The following CHRM3 variants were observed in gnomAD, a reference collection of about 807,000 sequenced individuals.
CHRM3 encodes the protein muscarinic acetylcholine receptor M3.
In CHRM3, 11 loss-of-function variants were observed where a neutral mutation model predicts 41.8. The observed-to-expected ratio is 0.26, with a 90% confidence interval of 0.17 to 0.44. The LOEUF (loss-of-function observed/expected upper bound fraction) is 0.44, where lower values mean the gene tolerates loss of function less well. CHRM3 is among the 20% of genes least tolerant of loss of function. The probability of loss-of-function intolerance (pLI) is 1.00; values close to 1 mark genes in which losing one functional copy is unlikely to be tolerated. For synonymous variants in CHRM3, 297 were observed against 301.4 expected, an observed-to-expected ratio of 0.99 and a Z score of 0.15; for missense variants, 571 against 745.4, an observed-to-expected ratio of 0.77 and a Z score of 2.72.
At chr1:239,740,555 A>G (rs1332121874) in intron 5 of CHRM3, among the ~76,000 whole-genome samples, 5 of 151,956 alleles carry the variant, frequency 3.3e-5, no homozygotes, top group Non-Finnish European at 7.4e-5. Flanking sequence ...GCACCGATCA[A>G]CCCATCATCT....
At chr1:239,672,063 T>A (rs1674426356) in intron 4 of CHRM3, among the ~76,000 whole-genome samples, 1 of 152,134 alleles carries the variant, frequency 6.6e-6, no homozygotes. Flanking sequence ...AAAGATGAGT[T>A]ATGCACAAGA....
chr1:239,696,591 G>GATGAGC (rs1465945345), intron 5 of CHRM3, among the ~76,000 whole-genome samples: 2 of 152,156 alleles, frequency 1.3e-5, no homozygotes, highest in Non-Finnish European at 2.9e-5. Context: ...AGCACCTACA[G>GATGAGC]ATGAGCCTGA....
intron 1 of CHRM3, among the ~76,000 whole-genome samples, chr1:239,466,237 C>T (rs1435911019): frequency 6.6e-6 from 1 of 152,122 alleles, no homozygotes; most frequent in East Asian, 1.9e-4. Flanking sequence ...TCAGGTGATC[C>T]ACCTGCCTCG....
intron 5 of CHRM3, among the ~76,000 whole-genome samples, chr1:239,741,759 T>C (rs929600954): frequency 1.3e-5 from 2 of 152,180 alleles, no homozygotes; most frequent in African/African-American, 4.8e-5. Context: ...ACCCACGTCT[T>C]ATATTTATAT....
chr1:239,838,628 T>TAA (rs1251530185), intron 6 of CHRM3, among the ~76,000 whole-genome samples: 6 of 152,222 alleles, frequency 3.9e-5, no homozygotes, highest in African/African-American at 1.4e-4. Context: ...GAAGGTTAGG[T>TAA]GATTTGTGAT....
At chr1:239,580,704 T>TATATATATATAC (rs570878631) in intron 3 of CHRM3, among the ~76,000 whole-genome samples, 96 of 131,060 alleles carry the variant, frequency 7.3e-4, no homozygotes, top group African/African-American at 2.6e-3. Flanking sequence ...TATATATATA[T>TATATATATATAC]ACACACACAC....
At chr1:239,579,929 T>C (rs1020016841) in intron 3 of CHRM3, among the ~76,000 whole-genome samples, 15 of 152,072 alleles carry the variant, frequency 9.9e-5, no homozygotes, top group Non-Finnish European at 1.5e-5. Flanking sequence ...ACTTAAGTGA[T>C]TTTCCCAGGG....
chr1:239,509,972 C>T (rs1274848315), intron 2 of CHRM3, among the ~76,000 whole-genome samples: 1 of 152,078 alleles, frequency 6.6e-6, no homozygotes, highest in East Asian at 1.9e-4. Flanking sequence ...GCCTGTAATG[C>T]CAGCTACTTG....
chr1:239,669,590 G>A (rs1321320864), intron 4 of CHRM3, among the ~76,000 whole-genome samples: 2 of 152,096 alleles, frequency 1.3e-5, no homozygotes, highest in Non-Finnish European at 2.9e-5. Flanking sequence ...ATTCTAAGCT[G>A]AAAGGGACTG....
chr1:239,547,973 CT>C (rs796511714), intron 3 of CHRM3, among the ~76,000 whole-genome samples: 28 of 148,232 alleles, frequency 1.9e-4, no homozygotes, highest in African/African-American at 4.9e-4. Context: ...TTTAAAATGA[CT>C]TTTTTTTTTC....
intron 5 of CHRM3, among the ~76,000 whole-genome samples, chr1:239,795,594 A>G (rs1200542180): frequency 6.6e-6 from 1 of 152,164 alleles, no homozygotes; most frequent in Non-Finnish European, 1.5e-5. Context: ...ACAACTCCCC[A>G]TTTCAGAATA....
At chr1:239,741,473 CA>C (rs1664843083) in intron 5 of CHRM3, among the ~76,000 whole-genome samples, 1 of 152,088 alleles carries the variant, frequency 6.6e-6, no homozygotes, top group African/African-American at 2.4e-5. Context: ...TGGCCTGCTT[CA>C]GGGGAACAGG....
At chr1:239,560,676 A>G (rs933549344) in intron 3 of CHRM3, among the ~76,000 whole-genome samples, 11 of 151,548 alleles carry the variant, frequency 7.3e-5, no homozygotes, top group Non-Finnish European at 1.3e-4. Context: ...ATATGTGTGT[A>G]TATATATATA....
intron 3 of CHRM3, among the ~76,000 whole-genome samples, chr1:239,611,868 A>C (rs949022944): frequency 3.3e-5 from 5 of 152,252 alleles, no homozygotes; most frequent in African/African-American, 1.2e-4. Flanking sequence ...ATAATTAAGA[A>C]GTTTCTGATA....
chr1:239,525,849 T>C (rs1255817793), intron 2 of CHRM3, among the ~76,000 whole-genome samples: 2 of 152,188 alleles, frequency 1.3e-5, no homozygotes, highest in Non-Finnish European at 2.9e-5. Context: ...CCCCAGTGGT[T>C]CTCCACCTCA....
At chr1:239,643,169 G>T (rs1671379703) in intron 4 of CHRM3, among the ~76,000 whole-genome samples, 1 of 152,116 alleles carries the variant, frequency 6.6e-6, no homozygotes, top group Admixed American at 6.5e-5. Context: ...GTGTCAGTCT[G>T]CCCCTACTGG....
intron 5 of CHRM3, among the ~76,000 whole-genome samples, chr1:239,735,198 G>A (rs1664295310): frequency 6.6e-6 from 1 of 152,122 alleles, no homozygotes; most frequent in Admixed American, 6.6e-5. Flanking sequence ...TATTACCCTA[G>A]TAGTCCTGCA....
intron 3 of CHRM3, among the ~76,000 whole-genome samples, chr1:239,631,410 C>T (rs1344206942): frequency 1.3e-5 from 2 of 152,140 alleles, no homozygotes; most frequent in African/African-American, 4.8e-5. Context: ...TTTGGTGTCA[C>T]CGTCACCATG....
chr1:239,770,609 A>G (rs1342133797), intron 5 of CHRM3, among the ~76,000 whole-genome samples: 1 of 152,160 alleles, frequency 6.6e-6, no homozygotes, highest in African/African-American at 2.4e-5. Flanking sequence ...GACTGAGCGG[A>G]AGATGACTGC....
Sources: gnomAD v4.1 joint callset for allele counts (sites outside exome capture counted in the v4.1 genomes callset) on GRCh38, gnomAD v4.1.1 for gene constraint, MANE v1.5 for transcripts, NCBI Gene and HGNC (gene_info 2026-07-23, HGNC 2026-07-21) for gene names.